Variants in QTMAN observed in about 807,000 individuals in gnomAD.
QTMAN encodes the protein tRNA-queuosine alpha-mannosyltransferase.
At chr2:143,964,295 T>C in the QTMAN span, 2 of 152,104 alleles carry the variant, frequency 1.3e-5, no homozygotes, top group African/African-American at 4.8e-5. Flanking sequence ...GAATGAATAA[T>C]GATAAAAAAA....
chr2:144,067,105 T>G, the QTMAN span, among the ~76,000 whole-genome samples: 1 of 152,238 alleles, frequency 6.6e-6, no homozygotes, highest in Non-Finnish European at 1.5e-5. Context: ...ATTTTATTTA[T>G]GTCTCACAAC....
the QTMAN span, among the ~76,000 whole-genome samples, chr2:143,953,082 G>A: frequency 6.6e-6 from 1 of 151,752 alleles, no homozygotes; most frequent in Non-Finnish European, 1.5e-5. Context: ...ATTAATCAAA[G>A]CGCAGCTCTG....
the QTMAN span, among the ~76,000 whole-genome samples, chr2:144,231,778 AT>A: frequency 1.3e-5 from 2 of 152,068 alleles, no homozygotes; most frequent in Non-Finnish European, 2.9e-5. Flanking sequence ...CAGAAAGTGT[AT>A]TTAAAGTCAC....
At chr2:144,160,848 C>T in the QTMAN span, among the ~76,000 whole-genome samples, 3 of 152,040 alleles carry the variant, frequency 2.0e-5, no homozygotes, top group South Asian at 4.1e-4. Context: ...ACAACTGGTA[C>T]GTAAAATACA....
chr2:144,286,150 A>C, the QTMAN span, among the ~76,000 whole-genome samples: 2 of 152,216 alleles, frequency 1.3e-5, no homozygotes, highest in Admixed American at 6.5e-5. Context: ...GTAGGTGTGC[A>C]TGAGTAGCAC....
chr2:144,241,847 AC>A, the QTMAN span, among the ~76,000 whole-genome samples: 1 of 152,064 alleles, frequency 6.6e-6, no homozygotes, highest in Non-Finnish European at 1.5e-5. Flanking sequence ...GAATTAAAAT[AC>A]AAAAAAAAAA....
the QTMAN span, among the ~76,000 whole-genome samples, chr2:144,238,741 A>G: frequency 6.6e-6 from 1 of 152,094 alleles, no homozygotes; most frequent in African/African-American, 2.4e-5. Flanking sequence ...AACTATCCCC[A>G]TGAAAAAATA....
chr2:144,033,071 G>T, the QTMAN span, among the ~76,000 whole-genome samples: 1 of 152,150 alleles, frequency 6.6e-6, no homozygotes, highest in African/African-American at 2.4e-5. Context: ...TACTTCCAGA[G>T]AAATACTAAA....
At chr2:144,114,743 C>T in the QTMAN span, among the ~76,000 whole-genome samples, 1 of 151,350 alleles carries the variant, frequency 6.6e-6, no homozygotes, top group Non-Finnish European at 1.5e-5. Context: ...ACTTAGATTT[C>T]AGCTTAAATA....
At chr2:144,184,953 C>T in the QTMAN span, among the ~76,000 whole-genome samples, 1 of 152,086 alleles carries the variant, frequency 6.6e-6, no homozygotes, top group Admixed American at 6.6e-5. Flanking sequence ...CGGGACTTAC[C>T]ACTCTGAAAC....
chr2:144,308,329 G>A, the QTMAN span, among the ~76,000 whole-genome samples: 63 of 152,000 alleles, frequency 4.1e-4, no homozygotes, highest in Middle Eastern at 3.4e-3. Context: ...ACCACAGCAG[G>A]CTAATTTTTT....
chr2:144,067,624 A>G, the QTMAN span, among the ~76,000 whole-genome samples: 1 of 152,200 alleles, frequency 6.6e-6, no homozygotes, highest in African/African-American at 2.4e-5. Context: ...AGCTGGGTGC[A>G]AGGAAGCATT....
chr2:144,043,589 C>T, the QTMAN span, among the ~76,000 whole-genome samples: 47 of 151,432 alleles, frequency 3.1e-4, no homozygotes, highest in Admixed American at 1.4e-3. Flanking sequence ...GCTGAGATCA[C>T]GCCACTGCAC....
At chr2:144,249,993 A>AT in the QTMAN span, among the ~76,000 whole-genome samples, 1 of 152,202 alleles carries the variant, frequency 6.6e-6, no homozygotes. Flanking sequence ...GGGAACAGAG[A>AT]TGGGAGACTG....
At chr2:144,237,324 G>C in the QTMAN span, 1 of 152,174 alleles carries the variant, frequency 6.6e-6, no homozygotes, top group East Asian at 1.9e-4. Context: ...ATGACGTTAG[G>C]GACAGCTAGC....
chr2:144,194,129 G>A, the QTMAN span, among the ~76,000 whole-genome samples: 1 of 152,038 alleles, frequency 6.6e-6, no homozygotes, highest in Non-Finnish European at 1.5e-5. Flanking sequence ...AAAATTCAGA[G>A]CAAATCAGTC....
the QTMAN span, among the ~76,000 whole-genome samples, chr2:144,090,859 T>C: frequency 6.6e-6 from 1 of 151,910 alleles, no homozygotes. Context: ...ATTCTAAAAT[T>C]CAGCTGGAAA....
At chr2:144,220,325 T>C in the QTMAN span, among the ~76,000 whole-genome samples, 1,649 of 152,294 alleles carry the variant, frequency 0.011, 21 homozygotes, top group African/African-American at 0.037. Context: ...AAGGTATACA[T>C]AGACAACTGT....
At chr2:144,031,555 A>T in the QTMAN span, among the ~76,000 whole-genome samples, 1 of 152,052 alleles carries the variant, frequency 6.6e-6, no homozygotes, top group African/African-American at 2.4e-5. Flanking sequence ...CAATCATAAA[A>T]CCTGAAGCCA....
Sources: gnomAD v4.1 joint callset for allele counts (sites outside exome capture counted in the v4.1 genomes callset) on GRCh38, gnomAD v4.1.1 for gene constraint, MANE v1.5 for transcripts, NCBI Gene and HGNC (gene_info 2026-07-23, HGNC 2026-07-21) for gene names.